Variants in MYT1L observed in about 807,000 individuals in gnomAD.
MYT1L encodes the protein myelin transcription factor 1-like protein.
Under a neutral mutation model 126.7 loss-of-function variants are expected in MYT1L, and 12 were observed. The ratio of observed to expected loss-of-function variants is 0.09; its 90% CI spans 0.06 to 0.15. The LOEUF is 0.15. Among genes scored for constraint, MYT1L ranks in the 10% least tolerant of loss-of-function variants. The pLI is 1.00. For synonymous variants in MYT1L, 541 were observed against 604.2 expected, an observed-to-expected ratio of 0.90 and a Z score of 1.53; for missense variants, 979 against 1,585.2, an observed-to-expected ratio of 0.62 and a Z score of 6.49.
chr2:1,817,734 G>A (rs73184810), intron 21 of MYT1L, among the ~76,000 whole-genome samples: 70 of 152,270 alleles, frequency 4.6e-4, no homozygotes, highest in African/African-American at 1.6e-3. Flanking sequence ...CCGGGCTCTC[G>A]GGAAAGTCCA....
intron 3 of MYT1L, among the ~76,000 whole-genome samples, chr2:2,106,697 G>T (rs2078807064): frequency 6.6e-6 from 1 of 152,142 alleles, no homozygotes; most frequent in South Asian, 2.1e-4. Context: ...CTAACACCAT[G>T]ACTTGAACAC....
At chr2:1,919,401 T>G (rs2053273059) in intron 10 of MYT1L, among the ~76,000 whole-genome samples, 1 of 152,156 alleles carries the variant, frequency 6.6e-6, no homozygotes, top group Admixed American at 6.5e-5. Context: ...ACCAAACACC[T>G]TTTGCAACAA....
At chr2:1,952,893 TCCTTCTTTCCCTTCCTCTCCC>T (rs1558518657) in intron 8 of MYT1L, among the ~76,000 whole-genome samples, 833 of 68,566 alleles carry the variant, frequency 0.012, 10 homozygotes, top group African/African-American at 0.038. Flanking sequence ...TTCCCTTCCC[TCCTTCTTTCCCTTCCTCTCCC>T]TTCCTTCCCT....
rs992467509 is a variant in MYT1L, at chr2:2,220,839, T to A, written c.-420-47851A>T. 4.6e-5 allele frequency among the ~76,000 whole-genome samples: 7 copies of A among 152,190 alleles called. No homozygotes were observed. The East Asian group carries it at 1.4e-3, about 29-fold the overall frequency. The stretch of plus-strand genomic sequence containing the variant: ...AGTCCCCAGACCCCTTAGATAGGAA[T>A]GTGGGCAAGATAAAAAAATCAAGGC... On this transcript the variant is annotated intron_variant, in intron 2 of 24. Transcript: ENST00000647738.
chr2:2,165,841 C>T (rs2088988714), intron 3 of MYT1L, among the ~76,000 whole-genome samples: 2 of 127,506 alleles, frequency 1.6e-5, no homozygotes, highest in South Asian at 2.6e-4. Flanking sequence ...TATTTTTCTA[C>T]TGTGTAAATC....
rs1270197523 is a variant in MYT1L at position 2,054,024 on chromosome 2, A to G, written c.-204T>C. ...TCCATACGTCTGTGAGACCAACTGG[A>G]ACCTTTCTTGATGGAATTTTGTTGA... On this transcript the variant is annotated 5_prime_UTR_variant, in exon 4 of 25. Transcript: ENST00000647738. The G allele has an allele frequency of 1.3e-5, 2 of 152,686 alleles. No homozygotes were observed. Among genetic ancestry groups the G allele is most frequent in the East Asian group, 3.8e-4 (2 of 5,202 alleles). The allele number at this position is 152,686 out of a possible 1,614,324, so 9.5% of individuals were successfully genotyped here.
chr2:1,792,577 G>T, intron 23 of MYT1L, 113 bp from the exon 24 acceptor site: 1 of 1,199,196 alleles, frequency 8.3e-7, no homozygotes, highest in Non-Finnish European at 1.1e-6. Context: ...CGCTGAAGGA[G>T]AAAGGCTTCG....
chr2:2,116,356 C>T (rs1411939179), intron 3 of MYT1L, among the ~76,000 whole-genome samples: 8 of 152,206 alleles, frequency 5.3e-5, no homozygotes, highest in Non-Finnish European at 2.9e-5. Context: ...AGATGTTCTT[C>T]CCAACCTGCA....
intron 22 of MYT1L, among the ~76,000 whole-genome samples, chr2:1,804,543 A>G (rs1019288598): frequency 7.2e-5 from 11 of 152,370 alleles, no homozygotes; most frequent in African/African-American, 2.6e-4. Flanking sequence ...TCAGAGCCAG[A>G]AAATCCACCC....
intron 4 of MYT1L, among the ~76,000 whole-genome samples, chr2:2,019,812 T>G (rs189981528): frequency 5.3e-4 from 81 of 152,266 alleles, no homozygotes; most frequent in African/African-American, 1.9e-3. Flanking sequence ...CTATTTTTTT[T>G]TCAGTTTGAG....
chr2:1,949,802 G>T (rs552293119), intron 8 of MYT1L, among the ~76,000 whole-genome samples: 1 of 152,128 alleles, frequency 6.6e-6, no homozygotes, highest in East Asian at 1.9e-4. Context: ...GGCTCGGAAC[G>T]TCAGGGTGAT....
chr2:1,836,960 G>A (rs2040987120), intron 21 of MYT1L, among the ~76,000 whole-genome samples: 1 of 152,226 alleles, frequency 6.6e-6, no homozygotes, highest in East Asian at 1.9e-4. Context: ...ATTGAGGTGA[G>A]GCTGGCAAGA....
intron 3 of MYT1L, among the ~76,000 whole-genome samples, chr2:2,118,690 C>T (rs917157006): frequency 6.6e-6 from 1 of 152,106 alleles, no homozygotes; most frequent in African/African-American, 2.4e-5. Flanking sequence ...TAATTCCAGT[C>T]ATTTTGCTTG....
At chr2:2,008,951 A>T (rs2063570996) in intron 4 of MYT1L, among the ~76,000 whole-genome samples, 1 of 152,016 alleles carries the variant, frequency 6.6e-6, no homozygotes, top group Non-Finnish European at 1.5e-5. Flanking sequence ...TCCTTTCCCC[A>T]TTGTGTCCTC....
intron 8 of MYT1L, among the ~76,000 whole-genome samples, chr2:1,959,126 T>C (rs2058750392): frequency 6.6e-6 from 1 of 152,188 alleles, no homozygotes; most frequent in South Asian, 2.1e-4. Flanking sequence ...AGGTGTCAGA[T>C]CATCTCATAG....
chr2:2,119,347 A>C (rs1036182223), intron 3 of MYT1L, among the ~76,000 whole-genome samples: 2 of 152,262 alleles, frequency 1.3e-5, no homozygotes, highest in Non-Finnish European at 2.9e-5. Flanking sequence ...ATAGTAATCT[A>C]TGAAAAATGT....
In MYT1L at chr2:1,956,507, T is replaced by TTCTTTCTA. The variant is rs545208792; in HGVS notation, c.153-13174_153-13173insTAGAAAGA. Among the ~76,000 whole-genome samples, 67 of 111,870 alleles carry TTCTTTCTA rather than the reference T, an allele frequency of 6.0e-4. 1 individual carries two copies. The highest frequency in any genetic ancestry group is 2.6e-3 in the African/African-American group (60 of 23,104). The allele number at this position is 111,870 out of a possible 152,430, so 73.4% of individuals were successfully genotyped here. ...TATGTGTCCTATTCTATATTTCCTA[T>TTCTTTCTA]TCTATCTATCTATCTATCTATCTAT... On this transcript the variant is annotated intron_variant, in intron 8 of 24. Transcript: ENST00000647738.
chr2:2,257,062 A>G (rs1384250025), intron 2 of MYT1L, among the ~76,000 whole-genome samples: 5 of 151,936 alleles, frequency 3.3e-5, no homozygotes, highest in African/African-American at 1.2e-4. Context: ...CCTGTGCCCC[A>G]CCCCCAGAGT....
chr2:2,312,359 C>T (rs546562068), intron 1 of MYT1L, among the ~76,000 whole-genome samples: 3 of 152,210 alleles, frequency 2.0e-5, no homozygotes, highest in Admixed American at 2.0e-4. Context: ...GACTGTAATC[C>T]TAGCACTTTG....
Sources: gnomAD v4.1 joint callset for allele counts (sites outside exome capture counted in the v4.1 genomes callset) on GRCh38, gnomAD v4.1.1 for gene constraint, MANE v1.5 for transcripts, NCBI Gene and HGNC (gene_info 2026-07-23, HGNC 2026-07-21) for gene names.